SLC26A11: variants seen among roughly 807,000 people sequenced by gnomAD.
SLC26A11 encodes the protein solute carrier family 26 member 11.
A neutral mutation model predicts 62.2 loss-of-function variants in SLC26A11; 58 were observed. That is an observed-to-expected ratio of 0.93 (90% CI 0.76 to 1.16). The LOEUF is 1.16. Among genes scored for constraint, SLC26A11 ranks in the 50% most tolerant of loss-of-function variants. The pLI, the probability that SLC26A11 is intolerant of heterozygous loss-of-function variation, is 0.00. For synonymous variants in SLC26A11, 411 were observed against 368.9 expected (o/e 1.11, Z -1.31); for missense variants, 790 against 794.3 (o/e 0.99, Z 0.06).
In SLC26A11 at chr17:80,246,086, A is replaced by G. The variant is rs7217586; in HGVS notation, c.1098-68A>G. Reference sequence around the variant, plus strand: ...GACGTCCCCTCGGAAGATCAGCCACAGGAGTGTGGACTGAGGTCTCCCTTT... The same window carrying G: ...GACGTCCCCTCGGAAGATCAGCCACGGGAGTGTGGACTGAGGTCTCCCTTT... On this transcript the variant is annotated intron_variant, in intron 11 of 17. Coordinates refer to ENST00000361193, the MANE Select transcript of SLC26A11 (RefSeq NM_001166347.2). The surrounding 1 kb of genome is among the most constrained non-coding windows in gnomAD (Gnocchi z 4.4). 341 of 1,564,256 alleles carry G rather than the reference A, an allele frequency of 2.2e-4. 1 individual carries two copies. In the African/African-American group the frequency reaches 4.0e-3, roughly 18 times the overall value.
intron 9 of SLC26A11, 142 bp downstream of exon 9, chr17:80,237,736 A>G (rs767765867): frequency 1.9e-4 from 143 of 764,242 alleles, no homozygotes; most frequent in Non-Finnish European, 2.7e-4. Context: ...TGATAGATAC[A>G]TATGTATTGT....
chr17:80,234,636 C>G (rs1308359474), intron 7 of SLC26A11, among the ~76,000 whole-genome samples: 1 of 152,078 alleles, frequency 6.6e-6, no homozygotes, highest in Non-Finnish European at 1.5e-5. Context: ...TTGCAGAATC[C>G]CCTGTCTGTA....
intron 10 of SLC26A11, among the ~76,000 whole-genome samples, chr17:80,242,752 A>G (rs758044677): frequency 1.1e-4 from 16 of 152,204 alleles, no homozygotes; most frequent in Non-Finnish European, 1.8e-4. Context: ...TTTGTCACCC[A>G]GGCTAGAGTG....
At position 80,225,837 on chromosome 17, in the gene SLC26A11, A is replaced by G. The variant is rs777558399; in HGVS notation, c.514A>G (p.Asn172Asp). The change falls in exon 6 of 18, where the codon AAC (asparagine) becomes GAC (aspartate). Residue 172 changes from asparagine to aspartate, a missense_variant and splice_region_variant. By Grantham distance (23) the Asn-to-Asp change is conservative. Transcript: ENST00000361193. The part of the protein sequence containing the change: ...AVTIGFGQIK[N>D]LLGLQNIPRP... The stretch of plus-strand genomic sequence containing the variant: ...GATCAGCATCTCTGTGTTTGGACAG[A>G]ACCTGCTGGGACTACAGAACATCCC... 3.7e-6 allele frequency: 6 copies of G among 1,613,746 alleles called. No individual in the cohort carries two copies. In the South Asian group the frequency reaches 6.6e-5, roughly 18 times the overall value.
rs1228673239 is a variant in SLC26A11 at position 80,237,588 on chromosome 17, G to C, written c.979G>C (p.Ala327Pro). The change falls in exon 9 of 18, where the codon GCC (alanine) becomes CCC (proline). Residue 327 changes from alanine (A) to proline (P), a missense_variant. Ala to Pro is a conservative substitution (Grantham distance 27). Transcript: ENST00000361193. Reference protein sequence around the residue: ...GLLESIAVAKAFASQNNYRID... With the variant: ...GLLESIAVAKPFASQNNYRID... ...CCTGGAGAGCATTGCGGTGGCCAAA[G>C]CCTTCGGTAAGACGCCTGTCACCCA... The C allele has an allele frequency of 1.2e-6, 2 of 1,611,116 alleles. No homozygotes were observed. The highest frequency in any genetic ancestry group is 2.7e-5 in the African/African-American group (2 of 75,044).
intron 10 of SLC26A11, among the ~76,000 whole-genome samples, chr17:80,242,660 G>A (rs551218917): frequency 9.2e-5 from 14 of 152,286 alleles, no homozygotes; most frequent in Non-Finnish European, 1.6e-4. Context: ...CTTTTGTTAC[G>A]TCTCTGCGGG....
chr17:80,228,024 C>A lies in SLC26A11; in HGVS notation c.736+64C>A. 7 of 1,467,332 alleles carry A rather than the reference C, an allele frequency of 4.8e-6. No individual in the cohort carries two copies. Among genetic ancestry groups the A allele is most frequent in the Non-Finnish European group, 6.5e-6 (7 of 1,079,898 alleles). The allele number at this position is 1,467,332 out of a possible 1,614,324, so 90.9% of individuals were successfully genotyped here. A position where few individuals can be genotyped will look rare whatever the true frequency, so the allele number is the denominator to read the frequency against. On this transcript the variant is annotated intron_variant, in intron 7 of 17. Coordinates refer to ENST00000361193, the MANE Select transcript of SLC26A11 (RefSeq NM_001166347.2). The surrounding 1 kb of genome is among the most constrained non-coding windows in gnomAD (Gnocchi z 4.1). ...TGCAGGTTGGGGTCACTTGGGGAGT[C>A]CTAGTCCCACCCTAGGGATTCTCAC... is the stretch of plus-strand genomic sequence containing the variant.
intron 10 of SLC26A11, 63 bp downstream of exon 10, chr17:80,241,884 C>T (rs1302203266): frequency 1.3e-6 from 2 of 1,553,272 alleles, no homozygotes; most frequent in Admixed American, 1.7e-5. Context: ...CAGGCCTGCC[C>T]CTCTGTGTCT....
Position 80,241,801 on chromosome 17 carries a change from A to C in SLC26A11, c.1016A>C (p.Asn339Thr). ...CAGAATAATTACCGCATCGATGCCA[A>C]CCAGGAGCTGCTGGCCATCGGTAAG... Reference protein sequence around the residue: ...ASQNNYRIDANQELLAIGLTN... With the variant: ...ASQNNYRIDATQELLAIGLTN... The change falls in exon 10 of 18, where the codon AAC becomes ACC. Residue 339 changes from asparagine to threonine, a missense_variant. Physicochemically the swap from Asn to Thr is moderately conservative, Grantham distance 65 (BLOSUM62 0). Coordinates refer to ENST00000361193, the MANE Select transcript of SLC26A11 (RefSeq NM_001166347.2). 1 of 1,614,166 alleles carries C rather than the reference A, an allele frequency of 6.2e-7. No homozygotes were observed. The highest frequency in any genetic ancestry group is 8.5e-7 in the Non-Finnish European group (1 of 1,180,034).
intron 16 of SLC26A11, 102 bp from the exon 17 acceptor site, chr17:80,251,227 A>G: frequency 6.2e-7 from 1 of 1,611,592 alleles, no homozygotes; most frequent in South Asian, 1.1e-5. Context: ...AGGTGAAGCC[A>G]TACCTCTCCG....
chr17:80,221,929 C>A (rs578099940), intron 3 of SLC26A11, 135 bp downstream of exon 3: 1 of 926,948 alleles, frequency 1.1e-6, no homozygotes, highest in Non-Finnish European at 1.6e-6. Context: ...CAGTGTGTGA[C>A]GCAGATTGTC....
At position 80,242,051 on chromosome 17, in the gene SLC26A11, A is replaced by G. The variant is rs567891690; in HGVS notation, c.1036+230A>G. Among the ~76,000 whole-genome samples the G allele has an allele frequency of 2.6e-5, 4 of 152,346 alleles. No individual in the cohort carries two copies. In the South Asian group the frequency reaches 8.3e-4, roughly 32 times the overall value. On this transcript the variant is annotated intron_variant, in intron 10 of 17. Transcript: ENST00000361193. ...GAGTGCAGTGGCACGATCTTGGCTC[A>G]CTACAACCTCTGCCTCCTGGGTTCA...
rs1273610283 is a variant in SLC26A11, at chr17:80,222,423, GGCCT to G, written c.235-229_235-226del. The G allele has an allele frequency of 1.1e-5, 6 of 567,440 alleles. No homozygotes were observed. Among genetic ancestry groups the G allele is most frequent in the Non-Finnish European group, 1.9e-5 (6 of 319,252 alleles). 35.2% of individuals were successfully genotyped at this position (567,440 alleles called of 1,614,324 possible). A position where few individuals can be genotyped will look rare whatever the true frequency, so the allele number is the denominator to read the frequency against. ...TCCTCAGACTTGGACACAGCACACG[GGCCT>G]GCACCGACCCCTCTGCCTGGCTGTC... On this transcript the variant is annotated intron_variant, in intron 3 of 17. Transcript: ENST00000361193. The surrounding 1 kb of genome is among the most constrained non-coding windows in gnomAD (Gnocchi z 4.7).
intron 15 of SLC26A11, 110 bp from the exon 16 acceptor site, chr17:80,249,044 G>A: frequency 1.5e-6 from 2 of 1,347,606 alleles, no homozygotes; most frequent in African/African-American, 1.5e-5. Flanking sequence ...ACGAGATGGA[G>A]CACTCTGGCC....
intron 11 of SLC26A11, among the ~76,000 whole-genome samples, 164 bp from the exon 12 acceptor site, chr17:80,245,990 A>C (rs2042982854): frequency 6.6e-6 from 1 of 152,128 alleles, no homozygotes. Context: ...GCTGTCTGTG[A>C]CTGCACCCTA....
intron 10 of SLC26A11, among the ~76,000 whole-genome samples, chr17:80,244,204 C>G (rs946939561): frequency 1.3e-5 from 2 of 152,212 alleles, no homozygotes; most frequent in African/African-American, 4.8e-5. Context: ...CCAGGTGAGA[C>G]AGATGCTGGT....
intron 7 of SLC26A11, among the ~76,000 whole-genome samples, chr17:80,232,605 T>C (rs1003537626): frequency 1.3e-5 from 2 of 152,242 alleles, no homozygotes; most frequent in African/African-American, 4.8e-5. Context: ...GTATGTTTTA[T>C]GGGCAGCATA....
rs1300966515 is a variant in SLC26A11 at position 80,246,234 on chromosome 17, T to G, written c.1153+25T>G. On this transcript the variant is annotated intron_variant, in intron 12 of 17. Coordinates refer to ENST00000361193, the MANE Select transcript of SLC26A11 (RefSeq NM_001166347.2). This position sits in a 1 kb window ranked among gnomAD's most constrained non-coding sequence, Gnocchi z 4.4. ...GGTAAGGCCCCCCATCTTCCCCTTG[T>G]GCCCGCAGCCCTGAGAGTGGGAGAA... 6.2e-7 allele frequency: 1 copy of G among 1,602,690 alleles called. No individual in the cohort carries two copies. The highest frequency in any genetic ancestry group is 8.5e-7 in the Non-Finnish European group (1 of 1,175,542).
intron 16 of SLC26A11, among the ~76,000 whole-genome samples, 194 bp downstream of exon 16, chr17:80,249,481 G>A (rs114504699): frequency 2.6e-5 from 4 of 152,350 alleles, no homozygotes; most frequent in African/African-American, 4.8e-5. Flanking sequence ...AAGGGGGAGC[G>A]GTGGCCCCCA....
Sources: allele counts gnomAD v4.1 joint callset (sites outside exome capture counted in the v4.1 genomes callset), GRCh38; gene constraint gnomAD v4.1.1; non-coding constraint Gnocchi (gnomAD v3.1); transcripts MANE v1.5; gene names NCBI Gene and HGNC (gene_info 2026-07-23, HGNC 2026-07-21).